The following TENM4 variants were observed in gnomAD, a reference collection of about 807,000 sequenced individuals.
TENM4 encodes teneurin-4.
Under a neutral mutation model 243.3 loss-of-function variants are expected in TENM4, and 82 were observed. That is an observed-to-expected ratio of 0.34 (90% CI 0.28 to 0.40). The LOEUF (loss-of-function observed/expected upper bound fraction) is 0.40. Among genes scored for constraint, TENM4 ranks in the 10% least tolerant of loss-of-function variants. The pLI, the probability that TENM4 is intolerant of heterozygous loss-of-function variation, is 1.00. For synonymous variants in TENM4, 1,412 were observed against 1,456.3 expected (o/e 0.97, Z 0.69); for missense variants, 3,138 against 3,673.3 (o/e 0.85, Z 3.77).
intron 15 of TENM4, among the ~76,000 whole-genome samples, chr11:78,794,666 G>A (rs1227760260): frequency 1.3e-5 from 2 of 152,208 alleles, no homozygotes; most frequent in African/African-American, 4.8e-5. Flanking sequence ...GTGGAATAAA[G>A]GCACAGAGAC....
chr11:79,194,427 G>A (rs550548570), intron 3 of TENM4, among the ~76,000 whole-genome samples: 2 of 152,184 alleles, frequency 1.3e-5, no homozygotes, highest in South Asian at 4.1e-4. Context: ...GGAAAGTTTG[G>A]AACCTCATGG....
At chr11:78,831,732 C>T (rs1857987398) in intron 12 of TENM4, among the ~76,000 whole-genome samples, 2 of 152,190 alleles carry the variant, frequency 1.3e-5, no homozygotes, top group South Asian at 4.1e-4. Context: ...AAGAGACTTC[C>T]CATAGTTTGA....
intron 1 of TENM4, 31 bp from the exon 2 acceptor site, chr11:79,297,574 G>T (rs505579): frequency 0.76 from 116,263 of 152,564 alleles, 44,534 homozygotes; most frequent in Middle Eastern, 0.9. Context: ...CACAATTAAT[G>T]CCTTGAGATC....
At chr11:79,294,362 T>C (rs1014215836) in intron 2 of TENM4, among the ~76,000 whole-genome samples, 1 of 152,202 alleles carries the variant, frequency 6.6e-6, no homozygotes, top group Non-Finnish European at 1.5e-5. Flanking sequence ...TTATTGACTT[T>C]ACCTGAATTT....
intron 6 of TENM4, among the ~76,000 whole-genome samples, chr11:78,935,861 G>C (rs184022113): frequency 6.6e-6 from 1 of 152,122 alleles, no homozygotes; most frequent in Non-Finnish European, 1.5e-5. Flanking sequence ...TTCTAGTTTC[G>C]GTTTTGCAAC....
intron 4 of TENM4, among the ~76,000 whole-genome samples, chr11:79,144,206 C>G (rs1862349463): frequency 1.3e-5 from 2 of 151,938 alleles, no homozygotes; most frequent in South Asian, 4.2e-4. Flanking sequence ...AAAAAGTGCT[C>G]AACATCATTG....
chr11:79,171,787 A>C (rs568254158), intron 3 of TENM4, among the ~76,000 whole-genome samples: 1 of 152,374 alleles, frequency 6.6e-6, no homozygotes, highest in East Asian at 1.9e-4. Context: ...ACAAATCTTC[A>C]TTAACATAGC....
chr11:78,747,041 G>A (rs1856066485), intron 19 of TENM4, among the ~76,000 whole-genome samples: 1 of 152,160 alleles, frequency 6.6e-6, no homozygotes, highest in Admixed American at 6.5e-5. Flanking sequence ...CAGAAACGCA[G>A]CTAAGGGAGT....
intron 6 of TENM4, among the ~76,000 whole-genome samples, chr11:79,034,774 G>T (rs1859334176): frequency 1.3e-5 from 2 of 152,104 alleles, no homozygotes; most frequent in African/African-American, 4.8e-5. Context: ...GGACCATGAT[G>T]ATATGCACGG....
At chr11:78,723,669 T>A (rs1855451340) in intron 23 of TENM4, among the ~76,000 whole-genome samples, 1 of 152,230 alleles carries the variant, frequency 6.6e-6, no homozygotes, top group Admixed American at 6.5e-5. Flanking sequence ...CCTGTTTCTT[T>A]TTAGTCTGGA....
At chr11:78,862,603 C>T (rs1470985287) in intron 10 of TENM4, among the ~76,000 whole-genome samples, 1 of 152,180 alleles carries the variant, frequency 6.6e-6, no homozygotes, top group Non-Finnish European at 1.5e-5. Flanking sequence ...CCATACCCCA[C>T]TCCCACAGAT....
At chr11:78,938,973 C>T (rs1856837948) in intron 6 of TENM4, among the ~76,000 whole-genome samples, 2 of 152,168 alleles carry the variant, frequency 1.3e-5, no homozygotes, top group South Asian at 4.1e-4. Flanking sequence ...TTTGGAATTC[C>T]CAAATCTCTC....
intron 1 of TENM4, among the ~76,000 whole-genome samples, chr11:79,308,545 T>G (rs1461490682): frequency 6.6e-6 from 1 of 152,266 alleles, no homozygotes; most frequent in Non-Finnish European, 1.5e-5. Flanking sequence ...ATTACCCATA[T>G]TCACAGTGGG....
At chr11:78,771,547 G>A (rs540309394) in intron 17 of TENM4, among the ~76,000 whole-genome samples, 48 of 152,316 alleles carry the variant, frequency 3.2e-4, no homozygotes, top group African/African-American at 1.1e-3. Flanking sequence ...CGGCTGTTTA[G>A]CACAAAGGAA....
At chr11:79,046,804 C>A (rs1274023371) in intron 6 of TENM4, among the ~76,000 whole-genome samples, 1 of 152,144 alleles carries the variant, frequency 6.6e-6, no homozygotes, top group Non-Finnish European at 1.5e-5. Flanking sequence ...AACCACGAGA[C>A]AATGAATTTC....
intron 2 of TENM4, among the ~76,000 whole-genome samples, chr11:79,219,745 G>A (rs531158398): frequency 6.6e-6 from 1 of 152,262 alleles, no homozygotes; most frequent in African/African-American, 2.4e-5. Context: ...TTCTCCCAGT[G>A]CATCTCCTGG....
intron 1 of TENM4, among the ~76,000 whole-genome samples, chr11:79,336,912 A>C (rs766492204): frequency 1.2e-4 from 18 of 152,158 alleles, no homozygotes; most frequent in Non-Finnish European, 2.4e-4. Context: ...GACAAACTGT[A>C]ATTTCCAAGG....
intron 12 of TENM4, among the ~76,000 whole-genome samples, chr11:78,841,846 T>C (rs1367394826): frequency 6.6e-6 from 1 of 152,180 alleles, no homozygotes; most frequent in Non-Finnish European, 1.5e-5. Context: ...TGCTTCTGCC[T>C]GCACCAATGG....
At chr11:79,170,185 A>G (rs1277745198) in intron 3 of TENM4, among the ~76,000 whole-genome samples, 1 of 152,088 alleles carries the variant, frequency 6.6e-6, no homozygotes, top group Admixed American at 6.5e-5. Flanking sequence ...GGCAAAATAT[A>G]GCACTGAGAA....
Sources: gnomAD v4.1 joint callset for allele counts (sites outside exome capture counted in the v4.1 genomes callset) on GRCh38, gnomAD v4.1.1 for gene constraint, MANE v1.5 for transcripts, NCBI Gene and HGNC (gene_info 2026-07-23, HGNC 2026-07-21) for gene names.